GRIA3: variants seen among roughly 807,000 people sequenced by gnomAD.
GRIA3 encodes the protein glutamate ionotropic receptor AMPA type subunit 3, also known as glutamate receptor 3.
A neutral mutation model predicts 63.0 loss-of-function variants in GRIA3; 3 were observed. The observed-to-expected ratio is 0.05, with a 90% CI of 0.02 to 0.12. The LOEUF (loss-of-function observed/expected upper bound fraction) is 0.12. Among genes scored for constraint, GRIA3 ranks in the 10% least tolerant of loss-of-function variants. The pLI, the probability that GRIA3 is intolerant of heterozygous loss-of-function variation, is 1.00. For synonymous variants in GRIA3, 274 were observed against 257.9 expected, an observed-to-expected ratio of 1.06 and a Z score of -0.60; for missense variants, 347 against 700.9, an observed-to-expected ratio of 0.50 and a Z score of 5.70.
At chrX:123,427,900 G>T in intron 11 of GRIA3, 41 bp from the exon 12 acceptor site, 1 of 919,863 alleles carries the variant, frequency 1.1e-6, no homozygotes, top group Admixed American at 2.2e-5. Context: ...ACTTAGATCT[G>T]GCCCCTCTGG....
chrX:123,447,249 G>T (rs2045707270), intron 12 of GRIA3, among the ~76,000 whole-genome samples: 1 of 110,642 alleles, frequency 9.0e-6, no homozygotes, highest in African/African-American at 3.3e-5. Flanking sequence ...CGGGCATGGT[G>T]GTGCACACCT....
chrX:123,248,438 C>G (rs2044371004), intron 2 of GRIA3, among the ~76,000 whole-genome samples: 1 of 112,071 alleles, frequency 8.9e-6, no homozygotes, highest in Non-Finnish European at 1.9e-5. Context: ...ATAAGATTGC[C>G]AAGACAAATA....
At chrX:123,395,608 G>A (rs2045409138) in intron 6 of GRIA3, among the ~76,000 whole-genome samples, 1 of 111,819 alleles carries the variant, frequency 8.9e-6, no homozygotes, top group Admixed American at 9.5e-5. Context: ...GAATGGAAAT[G>A]TTTTCCTGCC....
intron 10 of GRIA3, among the ~76,000 whole-genome samples, chrX:123,415,425 A>G (rs754736519): frequency 1.8e-5 from 2 of 111,998 alleles, no homozygotes; most frequent in Non-Finnish European, 3.8e-5. Flanking sequence ...GGAAACACAC[A>G]GAAGAAATGT....
intron 5 of GRIA3, among the ~76,000 whole-genome samples, chrX:123,374,707 C>G (rs920652251): frequency 1.8e-5 from 2 of 111,698 alleles, no homozygotes; most frequent in Non-Finnish European, 3.8e-5. Flanking sequence ...GATTTTGTAT[C>G]CTGAGACTTT....
chrX:123,334,096 G>C (rs763136311), intron 4 of GRIA3, among the ~76,000 whole-genome samples: 45 of 111,638 alleles, frequency 4.0e-4, no homozygotes, highest in African/African-American at 1.3e-3. Context: ...ACTACAGAAT[G>C]GTGTCCCAAA....
chrX:123,361,870 C>G (rs1191927588), intron 5 of GRIA3, among the ~76,000 whole-genome samples: 1 of 111,782 alleles, frequency 8.9e-6, no homozygotes, highest in Non-Finnish European at 1.9e-5. Context: ...CCCCCAAGAT[C>G]TTCATGGACC....
chrX:123,282,496 A>G (rs1009746718), intron 3 of GRIA3, among the ~76,000 whole-genome samples: 2 of 112,800 alleles, frequency 1.8e-5, no homozygotes, highest in Admixed American at 9.3e-5. Context: ...CCTCTGCTTT[A>G]GAGTCCAGAA....
intron 12 of GRIA3, among the ~76,000 whole-genome samples, chrX:123,446,309 T>C (rs1009815659): frequency 3.6e-5 from 4 of 112,504 alleles, no homozygotes; most frequent in African/African-American, 1.3e-4. Context: ...TAAACATTCA[T>C]TTAAACCTGG....
intron 2 of GRIA3, among the ~76,000 whole-genome samples, chrX:123,236,685 T>C (rs1361453275): frequency 9.0e-6 from 1 of 111,069 alleles, no homozygotes; most frequent in African/African-American, 3.3e-5. Flanking sequence ...ATGCAAATAC[T>C]TTTATTGCCA....
intron 5 of GRIA3, among the ~76,000 whole-genome samples, chrX:123,372,529 G>A (rs1197016322): frequency 8.9e-6 from 1 of 111,748 alleles, no homozygotes; most frequent in Non-Finnish European, 1.9e-5. Flanking sequence ...TCCATTTTTT[G>A]TGTGTCCTTG....
chrX:123,304,445 T>C (rs2044742893), intron 3 of GRIA3, among the ~76,000 whole-genome samples: 1 of 111,885 alleles, frequency 8.9e-6, no homozygotes, highest in Non-Finnish European at 1.9e-5. Context: ...TGTGATTTCT[T>C]ACATGGCCTC....
intron 15 of GRIA3, among the ~76,000 whole-genome samples, chrX:123,485,216 T>G (rs1287793572): frequency 3.6e-5 from 4 of 112,462 alleles, no homozygotes; most frequent in Non-Finnish European, 7.5e-5. Context: ...TTGCTGGACA[T>G]GAGCAATTTC....
At chrX:123,336,744 G>A (rs1731316444) in intron 4 of GRIA3, among the ~76,000 whole-genome samples, 1 of 111,720 alleles carries the variant, frequency 9.0e-6, no homozygotes, top group Admixed American at 9.5e-5. Context: ...TAGCAATCTG[G>A]CTGAGTTCTA....
intron 12 of GRIA3, among the ~76,000 whole-genome samples, chrX:123,433,509 TC>T (rs889446528): frequency 4.5e-5 from 5 of 111,994 alleles, no homozygotes; most frequent in African/African-American, 1.6e-4. Context: ...GTCAATTGTC[TC>T]TTTTTGTATT....
intron 3 of GRIA3, among the ~76,000 whole-genome samples, chrX:123,297,178 C>T (rs2044690752): frequency 1.8e-5 from 2 of 111,101 alleles, no homozygotes; most frequent in African/African-American, 3.3e-5. Context: ...TCCACATTTA[C>T]AAGATTCTCA....
At chrX:123,414,726 C>G (rs1464135539) in intron 10 of GRIA3, among the ~76,000 whole-genome samples, 1 of 110,513 alleles carries the variant, frequency 9.0e-6, no homozygotes, top group Non-Finnish European at 1.9e-5. Flanking sequence ...CCAGCTTCAT[C>G]CATGTCCCTG....
intron 5 of GRIA3, among the ~76,000 whole-genome samples, chrX:123,390,845 T>C (rs1337108200): frequency 1.8e-5 from 2 of 111,697 alleles, no homozygotes; most frequent in African/African-American, 6.5e-5. Context: ...TTTTTCATTT[T>C]TGTCTGACTG....
intron 3 of GRIA3, among the ~76,000 whole-genome samples, chrX:123,293,064 G>A (rs756561107): frequency 1.6e-4 from 18 of 110,109 alleles, no homozygotes; most frequent in Non-Finnish European, 3.0e-4. Flanking sequence ...AATAGGAAAG[G>A]GATGGTTTAT....
Sources: gnomAD v4.1 joint callset for allele counts (sites outside exome capture counted in the v4.1 genomes callset) on GRCh38, gnomAD v4.1.1 for gene constraint, MANE v1.5 for transcripts, NCBI Gene and HGNC (gene_info 2026-07-23, HGNC 2026-07-21) for gene names.